The following GPR173 variants were observed in gnomAD, a reference collection of about 807,000 sequenced individuals.
The protein encoded by GPR173 is G protein-coupled receptor 173, also known as probable G protein-coupled receptor 173.
A neutral mutation model predicts 13.9 loss-of-function variants in GPR173; 2 were observed. That is an observed-to-expected ratio of 0.14 (90% CI 0.06 to 0.45). The LOEUF (loss-of-function observed/expected upper bound fraction) is 0.45, where lower values mean the gene tolerates loss of function less well. GPR173 is among the 20% of genes least tolerant of loss of function. The pLI, the probability that GPR173 is intolerant of heterozygous loss-of-function variation, is 0.98. For synonymous variants in GPR173, 131 were observed against 141.0 expected (o/e 0.93, Z 0.50); for missense variants, 202 against 340.5 (o/e 0.59, Z 3.20).
At chrX:53,068,466 A>C (rs1556804452) in intron 1 of GPR173, among the ~76,000 whole-genome samples, 1 of 110,857 alleles carries the variant, frequency 9.0e-6, no homozygotes, top group East Asian at 2.8e-4. Context: ...AGGAAAAATA[A>C]GAAGAAAATC....
At chrX:53,054,788 G>A (rs1932010274) in intron 1 of GPR173, among the ~76,000 whole-genome samples, 1 of 110,295 alleles carries the variant, frequency 9.1e-6, no homozygotes, top group African/African-American at 3.3e-5. Context: ...TCTGTACTGT[G>A]TGTGTAAGAG....
Position 53,060,196 on chromosome X carries a change from C to G in GPR173, c.-98+10712C>G, listed in dbSNP as rs781821333. On this transcript the variant is annotated intron_variant, in intron 1 of 1. Transcript: ENST00000332582. ...CACAGCCTTGCTCTTGTCGCCCAGG[C>G]TGGAGTGCAGCGGCACCATCTTACC... 3.0e-3 allele frequency among the ~76,000 whole-genome samples: 327 copies of G among 109,028 alleles called. 2 individuals are homozygous for G. Among genetic ancestry groups the G allele is most frequent in the Middle Eastern group, 9.4e-3 (2 of 212 alleles). 94.7% of individuals were successfully genotyped at this position (109,028 alleles called of 115,157 possible). A position where few individuals can be genotyped will look rare whatever the true frequency, so the allele number is the denominator to read the frequency against.
At chrX:53,073,324 G>T (rs1046813589) in intron 1 of GPR173, among the ~76,000 whole-genome samples, 7 of 109,784 alleles carry the variant, frequency 6.4e-5, no homozygotes, top group Non-Finnish European at 1.3e-4. Flanking sequence ...GAGGGAGGGA[G>T]TAGGAAGACA....
At chrX:53,070,913 G>A (rs1556804713) in intron 1 of GPR173, 1 of 111,076 alleles carries the variant, frequency 9.0e-6, no homozygotes, top group African/African-American at 3.3e-5. Context: ...ATATGTAAAT[G>A]CTTGGGCATG....
intron 1 of GPR173, among the ~76,000 whole-genome samples, chrX:53,052,271 C>A (rs1249530621): frequency 1.8e-5 from 2 of 110,668 alleles, no homozygotes; most frequent in African/African-American, 6.7e-5. Flanking sequence ...CACACAAAAA[C>A]ACACACACAC....
intron 1 of GPR173, among the ~76,000 whole-genome samples, chrX:53,066,250 C>A (rs1932182182): frequency 8.9e-6 from 1 of 112,005 alleles, no homozygotes; most frequent in Admixed American, 9.6e-5. Context: ...ATTCAAATTG[C>A]AACACCAAGT....
At chrX:53,058,984 T>C (rs1284494389) in intron 1 of GPR173, among the ~76,000 whole-genome samples, 2 of 109,519 alleles carry the variant, frequency 1.8e-5, no homozygotes, top group Admixed American at 9.8e-5. Context: ...GCGCGGTGGC[T>C]GACGCCTGTA....
chrX:53,055,541 T>A (rs1932021006), intron 1 of GPR173, among the ~76,000 whole-genome samples: 1 of 109,847 alleles, frequency 9.1e-6, no homozygotes, highest in Non-Finnish European at 1.9e-5. Flanking sequence ...TATAACTGGA[T>A]GGGTTGTGTA....
intron 1 of GPR173, among the ~76,000 whole-genome samples, chrX:53,061,950 T>G: frequency 1.2e-5 from 1 of 80,489 alleles, no homozygotes; most frequent in African/African-American, 7.1e-5. Context: ...CGCTTTTGCA[T>G]GAGAGAGAGA....
intron 1 of GPR173, among the ~76,000 whole-genome samples, chrX:53,073,986 TA>T (rs368570369): frequency 6.8e-5 from 2 of 29,331 alleles, no homozygotes; most frequent in African/African-American, 2.9e-4. Flanking sequence ...TATTTATATA[TA>T]AATATACATA....
chrX:53,049,879 T>TCCTCTC (rs1931929325), intron 1 of GPR173, among the ~76,000 whole-genome samples: 1 of 110,220 alleles, frequency 9.1e-6, no homozygotes, highest in Non-Finnish European at 1.9e-5. Context: ...TTGCGGCTGC[T>TCCTCTC]CCTCTCCCTC....
intron 1 of GPR173, among the ~76,000 whole-genome samples, chrX:53,064,287 G>A (rs1364479421): frequency 1.8e-5 from 2 of 112,050 alleles, no homozygotes; most frequent in Admixed American, 1.9e-4. Context: ...AGAGATTTTA[G>A]GCTAGGCGCA....
chrX:53,052,658 C>T (rs1026499957), intron 1 of GPR173, among the ~76,000 whole-genome samples: 3 of 107,642 alleles, frequency 2.8e-5, no homozygotes, highest in Non-Finnish European at 5.8e-5. Context: ...TATGCCTGTA[C>T]ATTCAGACAG....
At chrX:53,060,983 C>CAA (rs1556803742) in intron 1 of GPR173, among the ~76,000 whole-genome samples, 1 of 106,236 alleles carries the variant, frequency 9.4e-6, no homozygotes, top group Admixed American at 1.0e-4. Context: ...TTGAGGCTAA[C>CAA]TGTATACCAT....
intron 1 of GPR173, among the ~76,000 whole-genome samples, chrX:53,051,726 T>C (rs782567195): frequency 1.3e-4 from 15 of 111,493 alleles, no homozygotes; most frequent in Admixed American, 1.1e-3. Flanking sequence ...TCAGTTTTTC[T>C]TTGAGTGTAC....
rs1301652895 is a variant in GPR173 at position 53,077,194 on chromosome X, T to A, written c.573T>A (p.Leu191=). ...FKANDTLGFM[L]MLAVLMAATH... The stretch of plus-strand genomic sequence containing the variant: ...CCAATGACACGCTGGGCTTCATGCT[T>A]ATGTTGGCTGTGCTCATGGCAGCTA... Residue 191 remains leucine (L), a synonymous_variant, in exon 2 of 2, where the codon CTT becomes CTA. Transcript: ENST00000332582. The A allele has an allele frequency of 4.2e-6, 5 of 1,202,312 alleles. No homozygotes were observed. Among genetic ancestry groups the A allele is most frequent in the Non-Finnish European group, 5.6e-6 (5 of 890,335 alleles).
At chrX:53,074,274 A>C (rs1932364169) in intron 1 of GPR173, among the ~76,000 whole-genome samples, 1 of 77,870 alleles carries the variant, frequency 1.3e-5, no homozygotes, top group African/African-American at 5.7e-5. Context: ...TCATATATAA[A>C]TATACATTTA....
chrX:53,059,722 T>C (rs1932094280), intron 1 of GPR173, among the ~76,000 whole-genome samples: 1 of 105,737 alleles, frequency 9.5e-6, no homozygotes, highest in South Asian at 4.4e-4. Flanking sequence ...AGCCCAGGAG[T>C]TCGAGGCTGC....
At chrX:53,059,742 T>C (rs1333795219) in intron 1 of GPR173, among the ~76,000 whole-genome samples, 6 of 103,185 alleles carry the variant, frequency 5.8e-5, no homozygotes, top group African/African-American at 2.2e-4. Context: ...CAGTGAGCCA[T>C]GATCATGGCA....
Sources: gnomAD v4.1 joint callset for allele counts (sites outside exome capture counted in the v4.1 genomes callset) on GRCh38, gnomAD v4.1.1 for gene constraint, MANE v1.5 for transcripts, NCBI Gene and HGNC (gene_info 2026-07-23, HGNC 2026-07-21) for gene names.